The following ZNF484 variants were observed in gnomAD, a reference collection of about 807,000 sequenced individuals.
ZNF484 encodes KRAB box containing C2H2 type zinc finger bA526D8.4.
Under a neutral mutation model 12.9 loss-of-function variants are expected in ZNF484, and 11 were observed. That is an observed-to-expected ratio of 0.85 (90% CI 0.54 to 1.41). The LOEUF (loss-of-function observed/expected upper bound fraction) is 1.41, where lower values mean the gene tolerates loss of function less well. ZNF484 is among the 40% of genes most tolerant of loss of function. The pLI is 0.00. For synonymous variants in ZNF484, 289 were observed against 334.1 expected, an observed-to-expected ratio of 0.86 and a Z score of 1.47; for missense variants, 807 against 1,007.7, an observed-to-expected ratio of 0.80 and a Z score of 2.70.
chr9:92,864,600 C>A (rs1856959826), intron 2 of ZNF484, among the ~76,000 whole-genome samples: 1 of 152,122 alleles, frequency 6.6e-6, no homozygotes, highest in Non-Finnish European at 1.5e-5. Flanking sequence ...TAGATAGAAA[C>A]TGGGTTGCAA....
At chr9:92,873,155 G>C (rs1373328393) in intron 2 of ZNF484, among the ~76,000 whole-genome samples, 8 of 152,144 alleles carry the variant, frequency 5.3e-5, no homozygotes, top group Non-Finnish European at 1.0e-4. Flanking sequence ...TAGGCAGGCA[G>C]GCAGGCAGGC....
At chr9:92,873,616 T>C (rs1375420012) in intron 2 of ZNF484, among the ~76,000 whole-genome samples, 1 of 152,208 alleles carries the variant, frequency 6.6e-6, no homozygotes, top group East Asian at 1.9e-4. Context: ...ACATAAATTC[T>C]ACACAGTTTT....
rs374467954 is a variant in ZNF484 at position 92,874,688 on chromosome 9, C to T, written c.15+327G>A. Among the ~76,000 whole-genome samples the T allele has an allele frequency of 1.2e-4, 19 of 152,126 alleles. No individual in the cohort carries two copies. The East Asian group carries it at 3.5e-3, about 28-fold the overall frequency. On this transcript the variant is annotated intron_variant, in intron 2 of 4. Transcript: ENST00000375495. ...CATCTGAAGATCTATCAAAAAATTC[C>T]TCAAACATCAAGAACCATGACATCT...
rs1203231192 is a variant in ZNF484, at chr9:92,844,623, A to G, written c.*1605T>C. 6.6e-6 allele frequency among the ~76,000 whole-genome samples: 1 copy of G among 152,244 alleles called. No homozygotes were observed. The highest frequency in any genetic ancestry group is 2.4e-5 in the African/African-American group (1 of 41,462). ...ATATAAAGCTTCTCAATAAAACAATAAAAGACAAACCAAAATAAAATATCA... is the reference window on the plus strand; with the variant it reads ...ATATAAAGCTTCTCAATAAAACAATGAAAGACAAACCAAAATAAAATATCA... On this transcript the variant is annotated 3_prime_UTR_variant, in exon 5 of 5. Transcript: ENST00000375495.
At chr9:92,864,364 T>C (rs986102357) in intron 2 of ZNF484, among the ~76,000 whole-genome samples, 1 of 152,022 alleles carries the variant, frequency 6.6e-6, no homozygotes, top group Non-Finnish European at 1.5e-5. Flanking sequence ...ACTCAGTTAA[T>C]GCAACCCCAG....
At chr9:92,859,837 AG>A in intron 2 of ZNF484, among the ~76,000 whole-genome samples, 1 of 152,256 alleles carries the variant, frequency 6.6e-6, no homozygotes, top group East Asian at 1.9e-4. Flanking sequence ...AAATCAGCCA[AG>A]GGAAGATGTG....
In ZNF484 at chr9:92,848,253, A is replaced by G. The variant is rs74370043; in HGVS notation, c.534T>C (p.Cys178=). ...LVSSRKRPHN[C]NSCGKNLEPI... ...GCTCCAAATTCTTTCCACACGAGTT[A>G]CAGTTATGGGGTCTTTTTCTTGAGG... Residue 178 remains cysteine (C), a synonymous_variant, in exon 5 of 5, where the codon TGT becomes TGC. Coordinates refer to ENST00000375495, the MANE Select transcript of ZNF484 (RefSeq NM_031486.4). The surrounding 1 kb of genome is among the most constrained non-coding windows in gnomAD (Gnocchi z 4.1). 1,142 of 1,614,202 alleles carry G rather than the reference A, an allele frequency of 7.1e-4. 5 individuals are homozygous for G. The African/African-American group carries it at 0.011, about 16-fold the overall frequency.
chr9:92,858,952 G>T (rs550416612), intron 2 of ZNF484, among the ~76,000 whole-genome samples: 1 of 151,528 alleles, frequency 6.6e-6, no homozygotes, highest in Non-Finnish European at 1.5e-5. Context: ...GGTGAAACCC[G>T]GTCTCTACTA....
At chr9:92,852,417 C>T (rs1856151620) in intron 4 of ZNF484, among the ~76,000 whole-genome samples, 1 of 152,138 alleles carries the variant, frequency 6.6e-6, no homozygotes, top group Non-Finnish European at 1.5e-5. Context: ...CCTCAGCCTC[C>T]CAAGTAGCTG....
At chr9:92,859,519 G>C (rs1008322660) in intron 2 of ZNF484, among the ~76,000 whole-genome samples, 4 of 152,130 alleles carry the variant, frequency 2.6e-5, no homozygotes, top group African/African-American at 9.7e-5. Flanking sequence ...GACAAAAAAG[G>C]CCTCCCCAAA....
intron 2 of ZNF484, chr9:92,862,194 C>T (rs1415161743): frequency 2.2e-6 from 2 of 928,894 alleles, no homozygotes; most frequent in Admixed American, 6.2e-5. Flanking sequence ...AAAGAATTAA[C>T]TGCCATACAT....
intron 2 of ZNF484, among the ~76,000 whole-genome samples, chr9:92,872,657 C>T (rs1224713203): frequency 1.3e-5 from 2 of 151,948 alleles, no homozygotes; most frequent in Non-Finnish European, 2.9e-5. Context: ...CTAGAAAAGT[C>T]ATAGAAAATA....
chr9:92,848,001 C>CGGGGAGAAAACATTTACGT lies in ZNF484; in HGVS notation c.767_785dup (p.Lys263ArgfsTer14), dbSNP rs1855792124. 2 of 1,614,036 alleles carry CGGGGAGAAAACATTTACGT rather than the reference C, an allele frequency of 1.2e-6. No homozygotes were observed. Among genetic ancestry groups the CGGGGAGAAAACATTTACGT allele is most frequent in the African/African-American group, 2.7e-5 (2 of 74,912 alleles). Reference sequence around the variant, plus strand: ...TCTCATGTGCAAAGGCATGTGACTTCGGGGAGAAAACATTTACGTAGTCAG... The same window carrying CGGGGAGAAAACATTTACGT: ...TCTCATGTGCAAAGGCATGTGACTTCGGGGAGAAAACATTTACGTGGGGAGAAAACATTTACGTAGTCAG... On this transcript the variant is annotated frameshift_variant, in exon 5 of 5. Transcript: ENST00000375495. LOFTEE classifies it low-confidence loss of function (END_TRUNC). This position sits in a 1 kb window ranked among gnomAD's most constrained non-coding sequence, Gnocchi z 4.1.
At chr9:92,874,310 CTT>C (rs34348573) in intron 2 of ZNF484, among the ~76,000 whole-genome samples, 10,849 of 137,364 alleles carry the variant, frequency 0.079, 473 homozygotes, top group Non-Finnish European at 0.12. Context: ...TTCTTTCTTT[CTT>C]TTTTTTTTTT....
chr9:92,857,072 G>C (rs1451832304), intron 2 of ZNF484, among the ~76,000 whole-genome samples: 1 of 152,200 alleles, frequency 6.6e-6, no homozygotes, highest in African/African-American at 2.4e-5. Flanking sequence ...TGAAGGAGAG[G>C]GCTCTTTTTC....
chr9:92,868,048 C>T (rs1227162045), intron 2 of ZNF484, among the ~76,000 whole-genome samples: 1 of 152,114 alleles, frequency 6.6e-6, no homozygotes, highest in Non-Finnish European at 1.5e-5. Flanking sequence ...TTCTAGAGGC[C>T]ACCTGTATTC....
chr9:92,847,869 A>G lies in ZNF484; in HGVS notation c.918T>C (p.Thr306=). ...TGAGGGAAAAATCCTTCTCATATTC[A>G]GTGCATATTCCTGCATAAACCCTCT... ...GSQRVYAGIC[T]EYEKDFSLKS... is the part of the protein sequence containing the mutation. Residue 306 remains threonine (T), a synonymous_variant, in exon 5 of 5, where the codon ACT becomes ACC. Transcript: ENST00000375495. 1 of 1,614,198 alleles carries G rather than the reference A, an allele frequency of 6.2e-7. No individual in the cohort carries two copies. The highest frequency in any genetic ancestry group is 1.1e-5 in the South Asian group (1 of 91,086).
At chr9:92,855,756 CA>C (rs1177698747) in intron 4 of ZNF484, 54 bp downstream of exon 4, 54 of 1,540,952 alleles carry the variant, frequency 3.5e-5, no homozygotes, top group Non-Finnish European at 4.7e-5. Flanking sequence ...CAGCTTCTCC[CA>C]GTACAAATGC....
intron 2 of ZNF484, chr9:92,862,156 A>C (rs1856817583): frequency 1.0e-6 from 1 of 973,808 alleles, no homozygotes; most frequent in Non-Finnish European, 1.2e-6. Flanking sequence ...TTGGTAGTTG[A>C]GAAAGAAGTC....
Sources: gnomAD v4.1 joint callset for allele counts (sites outside exome capture counted in the v4.1 genomes callset) on GRCh38, gnomAD v4.1.1 for gene constraint, Gnocchi (gnomAD v3.1) non-coding constraint, MANE v1.5 for transcripts, NCBI Gene and HGNC (gene_info 2026-07-23, HGNC 2026-07-21) for gene names.